The following ATP2C2 variants were observed in gnomAD, a reference collection of about 807,000 sequenced individuals.
ATP2C2 encodes ATPase secretory pathway Ca2+ transporting 2.
ATP2C2 carries 171 observed loss-of-function variants against 110.8 expected under a neutral mutation model. The ratio of observed to expected loss-of-function variants is 1.54; its 90% CI spans 1.36 to 1.75. The LOEUF is 1.75. Ranked by LOEUF, ATP2C2 falls within the 40% of genes most tolerant of loss-of-function variation. The pLI, the probability that ATP2C2 is intolerant of heterozygous loss-of-function variation, is 0.00. For synonymous variants in ATP2C2, 804 were observed against 508.4 expected (o/e 1.58, Z -7.82); for missense variants, 1,963 against 1,235.0 (o/e 1.59, Z -8.84).
intron 7 of ATP2C2, among the ~76,000 whole-genome samples, chr16:84,418,521 C>T (rs1000743601): frequency 6.6e-6 from 1 of 152,224 alleles, no homozygotes; most frequent in Non-Finnish European, 1.5e-5. Flanking sequence ...TGCTAACCAC[C>T]GTATGAAAAT....
chr16:84,459,710 T>G, intron 23 of ATP2C2: 1 of 883,356 alleles, frequency 1.1e-6, no homozygotes, highest in Non-Finnish European at 1.7e-6. Context: ...CTTCCCTGAT[T>G]GCACTCCCAC....
At chr16:84,419,252 C>T (rs1907112216) in intron 7 of ATP2C2, among the ~76,000 whole-genome samples, 1 of 146,134 alleles carries the variant, frequency 6.8e-6, no homozygotes, top group Non-Finnish European at 1.5e-5. Context: ...CTACTGGGGC[C>T]ATGCTCCTGC....
chr16:84,402,634 G>A (rs1043894450), intron 2 of ATP2C2, among the ~76,000 whole-genome samples: 1 of 152,118 alleles, frequency 6.6e-6, no homozygotes, highest in Admixed American at 6.5e-5. Flanking sequence ...GCACCCTTGG[G>A]ATAAATTCCT....
At chr16:84,389,924 T>C (rs1478982498) in intron 1 of ATP2C2, among the ~76,000 whole-genome samples, 1 of 152,086 alleles carries the variant, frequency 6.6e-6, no homozygotes, top group African/African-American at 2.4e-5. Context: ...GGTTTCACCA[T>C]GTTGGCCAGG....
At chr16:84,463,579 C>G in intron 26 of ATP2C2, 35 bp from the exon 27 acceptor site, 1 of 1,570,846 alleles carries the variant, frequency 6.4e-7, no homozygotes, top group Non-Finnish European at 8.8e-7. Flanking sequence ...GAGCTGCAGC[C>G]CGTCCTGAAT....
intron 1 of ATP2C2, among the ~76,000 whole-genome samples, chr16:84,393,365 C>T (rs1434745384): frequency 2.0e-5 from 3 of 152,084 alleles, no homozygotes; most frequent in African/African-American, 7.2e-5. Context: ...GCAGCGTCCA[C>T]GAGCTCAGTC....
intron 3 of ATP2C2, 107 bp downstream of exon 3, chr16:84,405,351 G>T (rs543200594): frequency 4.1e-6 from 4 of 972,834 alleles, no homozygotes; most frequent in Non-Finnish European, 4.6e-6. Context: ...GACAGCTCCC[G>T]CCCCTTTCAC....
chr16:84,380,776 G>A (rs564362369), intron 1 of ATP2C2, among the ~76,000 whole-genome samples: 2 of 152,248 alleles, frequency 1.3e-5, no homozygotes, highest in East Asian at 1.9e-4. Flanking sequence ...TACATACATC[G>A]GGGGGTCTGT....
intron 26 of ATP2C2, among the ~76,000 whole-genome samples, chr16:84,463,292 G>A (rs990031167): frequency 4.6e-5 from 7 of 152,112 alleles, no homozygotes; most frequent in Non-Finnish European, 8.8e-5. Context: ...TTTGCAAGCA[G>A]CAGGGCACTG....
chr16:84,386,398 G>A (rs1253337919), intron 1 of ATP2C2, among the ~76,000 whole-genome samples: 1 of 152,172 alleles, frequency 6.6e-6, no homozygotes, highest in Non-Finnish European at 1.5e-5. Context: ...CCAACAGTAA[G>A]AACACTGGCT....
At chr16:84,401,229 T>TTTA (rs1453336291) in intron 2 of ATP2C2, among the ~76,000 whole-genome samples, 1 of 148,978 alleles carries the variant, frequency 6.7e-6, no homozygotes. Context: ...AATCTTTTTT[T>TTTA]TTTTTTTTTT....
intron 11 of ATP2C2, among the ~76,000 whole-genome samples, chr16:84,431,157 A>G (rs1908244100): frequency 6.6e-6 from 1 of 152,116 alleles, no homozygotes; most frequent in Non-Finnish European, 1.5e-5. Context: ...AATAATTACA[A>G]CTTATGAGTG....
chr16:84,455,077 G>A (rs1166344881), intron 21 of ATP2C2, 93 bp downstream of exon 21: 10 of 1,493,036 alleles, frequency 6.7e-6, no homozygotes, highest in Non-Finnish European at 7.3e-6. Context: ...TAGAGGGGGG[G>A]GTCTCGCGGA....
chr16:84,446,947 C>T (rs528434994), intron 16 of ATP2C2, among the ~76,000 whole-genome samples: 3 of 152,154 alleles, frequency 2.0e-5, no homozygotes, highest in Non-Finnish European at 4.4e-5. Flanking sequence ...GTACGGAAGG[C>T]GTGTCTGTGT....
intron 1 of ATP2C2, among the ~76,000 whole-genome samples, chr16:84,369,897 G>C (rs1183674422): frequency 6.6e-6 from 1 of 152,206 alleles, no homozygotes; most frequent in South Asian, 2.1e-4. Context: ...TTCTGAAGTG[G>C]CATGTTAATA....
chr16:84,406,216 A>C (rs1310834668), intron 3 of ATP2C2, among the ~76,000 whole-genome samples: 1 of 152,158 alleles, frequency 6.6e-6, no homozygotes, highest in South Asian at 2.1e-4. Context: ...AAATGCCTGG[A>C]AGCCACTAAG....
chr16:84,368,737 C>CG, intron 1 of ATP2C2, 23 bp downstream of exon 1: 1 of 1,489,414 alleles, frequency 6.7e-7, no homozygotes, highest in Non-Finnish European at 9.0e-7. Context: ...GACTCCGCGC[C>CG]GGGCGTGCGA....
chr16:84,394,422 T>G (rs1904851171), intron 1 of ATP2C2, among the ~76,000 whole-genome samples: 1 of 152,098 alleles, frequency 6.6e-6, no homozygotes, highest in Non-Finnish European at 1.5e-5. Context: ...CCCGGGCCTT[T>G]CCTATGAGTG....
chr16:84,390,851 C>T (rs1483947836), intron 1 of ATP2C2, among the ~76,000 whole-genome samples: 1 of 152,134 alleles, frequency 6.6e-6, no homozygotes, highest in Non-Finnish European at 1.5e-5. Context: ...CGGTGGCTCA[C>T]GCCTGTAATC....
Sources: allele counts gnomAD v4.1 joint callset (sites outside exome capture counted in the v4.1 genomes callset), GRCh38; gene constraint gnomAD v4.1.1; transcripts MANE v1.5; gene names NCBI Gene and HGNC (gene_info 2026-07-23, HGNC 2026-07-21).